The following KDM2B variants were observed in gnomAD, a reference collection of about 807,000 sequenced individuals.
The protein encoded by KDM2B is lysine-specific demethylase 2B.
Under a neutral mutation model 150.0 loss-of-function variants are expected in KDM2B, and 26 were observed. The ratio of observed to expected loss-of-function variants is 0.17; its 90% CI spans 0.13 to 0.24. KDM2B has a LOEUF of 0.24. KDM2B is among the 10% of genes least tolerant of loss of function. KDM2B has a pLI of 1.00. For synonymous variants in KDM2B, 734 were observed against 729.5 expected (o/e 1.01, Z -0.10); for missense variants, 1,265 against 1,816.9 (o/e 0.70, Z 5.52).
chr12:121,416,631 TTA>T, the KDM2B span: 61 of 332,480 alleles, frequency 1.8e-4, 1 homozygote, highest in African/African-American at 1.1e-3. Context: ...TTATTTTCTA[TTA>T]TGTTTATTTC....
intron 12 of KDM2B, among the ~76,000 whole-genome samples, chr12:121,459,405 C>A (rs1290444458): frequency 6.6e-6 from 1 of 152,180 alleles, no homozygotes; most frequent in Non-Finnish European, 1.5e-5. Flanking sequence ...CCTAAACACA[C>A]AGCTAAAATT....
chr12:121,540,922 G>A (rs1888557738), intron 6 of KDM2B, among the ~76,000 whole-genome samples: 1 of 151,952 alleles, frequency 6.6e-6, no homozygotes, highest in South Asian at 2.1e-4. Flanking sequence ...CTACATTGTA[G>A]AAGAAGAAAC....
chr12:121,494,343 C>T (rs138099712), intron 12 of KDM2B: 7 of 455,998 alleles, frequency 1.5e-5, no homozygotes, highest in Non-Finnish European at 2.4e-5. Flanking sequence ...GTGTCAGCAC[C>T]CCCCAGTTTT....
At chr12:121,540,873 A>G (rs886970449) in intron 6 of KDM2B, among the ~76,000 whole-genome samples, 2 of 151,210 alleles carry the variant, frequency 1.3e-5, no homozygotes, top group Admixed American at 6.6e-5. Context: ...TGTCTCCCCC[A>G]TAGCATGGGA....
rs1040706488 is a variant in KDM2B at position 121,559,718 on chromosome 12, T to C, written c.398-10080A>G. Among the ~76,000 whole-genome samples, 15 of 151,928 alleles carry C rather than the reference T, an allele frequency of 9.9e-5. 1 individual carries two copies. Among genetic ancestry groups the C allele is most frequent in the Admixed American group, 9.8e-4 (15 of 15,266 alleles). On this transcript the variant is annotated intron_variant, in intron 4 of 22. Transcript: ENST00000377071. ...GAGTTCGAGACCAGCCTGACCAACA[T>C]GGAGAAACTCCGTCTCTACTAAAAA...
intron 13 of KDM2B, among the ~76,000 whole-genome samples, chr12:121,451,827 G>A (rs1429057606): frequency 2.0e-5 from 3 of 151,904 alleles, no homozygotes; most frequent in South Asian, 2.1e-4. Flanking sequence ...CAGGAGAATC[G>A]CTTGAACCCA....
chr12:121,578,889 T>C lies in KDM2B; in HGVS notation c.184A>G (p.Ile62Val). 1 of 1,612,884 alleles carries C rather than the reference T, an allele frequency of 6.2e-7. No homozygotes were observed. Among genetic ancestry groups the C allele is most frequent in the South Asian group, 1.1e-5 (1 of 90,914 alleles). ...AGGCTGAAGCCGCGGACGCTGACGATCTCCTCCACGTCCGACAAGTCCTCG... is the reference window on the plus strand; with the variant it reads ...AGGCTGAAGCCGCGGACGCTGACGACCTCCTCCACGTCCGACAAGTCCTCG... ...ENEDLSDVEE[I>V]VSVRGFSLEE... Residue 62 changes from isoleucine to valine, a missense_variant, in exon 2 of 23, where the codon ATC becomes GTC. Ile to Val is a conservative substitution (Grantham distance 29). Around this residue, in one of 11 missense-constraint regions of KDM2B, gnomAD observed 214 missense variants for 447.4 expected, o/e 0.48. Coordinates refer to ENST00000377071, the MANE Select transcript of KDM2B (RefSeq NM_032590.5).
intron 17 of KDM2B, 195 bp from the exon 18 acceptor site, chr12:121,443,225 A>T: frequency 1.6e-6 from 1 of 620,546 alleles, no homozygotes; most frequent in South Asian, 1.9e-5. Flanking sequence ...AGAAGCTGGA[A>T]GTAGGAGTAC....
chr12:121,417,517 A>T, the KDM2B span: 1 of 1,611,998 alleles, frequency 6.2e-7, no homozygotes, highest in Non-Finnish European at 8.5e-7. This position sits in a 1 kb window ranked among gnomAD's most constrained non-coding sequence, Gnocchi z 5.0. Flanking sequence ...GTTTGCTGTG[A>T]CTGCAAGAAG....
At chr12:121,443,270 CCA>C in intron 17 of KDM2B, 1 of 592,908 alleles carries the variant, frequency 1.7e-6, no homozygotes, top group South Asian at 2.0e-5. Context: ...ACCTCCCACC[CCA>C]CAGACCTGGA....
chr12:121,577,386 A>C (rs1307152985), intron 2 of KDM2B, among the ~76,000 whole-genome samples: 2 of 152,218 alleles, frequency 1.3e-5, no homozygotes, highest in African/African-American at 4.8e-5. Context: ...TGGGGGAAGA[A>C]AGGAGAGGAA....
chr12:121,413,867 G>A, the KDM2B span, among the ~76,000 whole-genome samples: 1 of 152,036 alleles, frequency 6.6e-6, no homozygotes, highest in Non-Finnish European at 1.5e-5. Context: ...GAGCCACCGC[G>A]CCCGGCTTCA....
the KDM2B span, among the ~76,000 whole-genome samples, chr12:121,412,724 C>CTTTT: frequency 1.6e-5 from 2 of 121,916 alleles, no homozygotes; most frequent in African/African-American, 3.2e-5. Flanking sequence ...GATGTTCATG[C>CTTTT]TTTTTTTTTT....
intron 12 of KDM2B, among the ~76,000 whole-genome samples, chr12:121,491,483 C>T (rs1391353867): frequency 1.3e-5 from 2 of 152,046 alleles, no homozygotes; most frequent in African/African-American, 4.8e-5. Flanking sequence ...AAGTTATTTA[C>T]TTCCTTATTT....
In KDM2B at chr12:121,442,826, C is replaced by G; in HGVS notation, c.2615G>C (p.Trp872Ser). Reference protein sequence around the residue: ...DKLFRKKRRSWKNAEDRMALA... With the variant: ...DKLFRKKRRSSKNAEDRMALA... ...CGCCATGCGGTCCTCGGCGTTCTTC[C>G]AGGACCGCCGCTGAGGGCGAGAGCG... The change falls in exon 19 of 23, where the codon TGG becomes TCG. Residue 872 changes from tryptophan (W) to serine (S), a missense_variant. Physicochemically the swap from Trp to Ser is radical, Grantham distance 177. Around this residue, in one of 11 missense-constraint regions of KDM2B, gnomAD observed 418 missense variants for 402.4 expected, o/e 1.04. Transcript: ENST00000377071. This position sits in a 1 kb window ranked among gnomAD's most constrained non-coding sequence, Gnocchi z 7.7. 6.6e-7 allele frequency: 1 copy of G among 1,521,454 alleles called. No individual in the cohort carries two copies. Among genetic ancestry groups the G allele is most frequent in the South Asian group, 1.3e-5 (1 of 75,346 alleles). 94.2% of individuals were successfully genotyped at this position (1,521,454 alleles called of 1,614,324 possible). A position where few individuals can be genotyped will look rare whatever the true frequency, so the allele number is the denominator to read the frequency against.
chr12:121,524,425 AAC>A (rs1886953493), intron 8 of KDM2B, among the ~76,000 whole-genome samples: 1 of 152,172 alleles, frequency 6.6e-6, no homozygotes, highest in Non-Finnish European at 1.5e-5. Flanking sequence ...AGGAAAGAGG[AAC>A]ACAGAGGAGA....
chr12:121,474,440 C>T (rs748424589), intron 12 of KDM2B, among the ~76,000 whole-genome samples: 32 of 151,716 alleles, frequency 2.1e-4, no homozygotes, highest in Non-Finnish European at 3.5e-4. Flanking sequence ...GGCGTGAACC[C>T]GGGGGGCAGA....
At chr12:121,457,643 G>A (rs926531473) in intron 12 of KDM2B, among the ~76,000 whole-genome samples, 12 of 151,674 alleles carry the variant, frequency 7.9e-5, no homozygotes, top group African/African-American at 2.7e-4. Flanking sequence ...ATTCATTTAC[G>A]AACCAGCATC....
chr12:121,423,523 T>TGG, the KDM2B span: 10 of 1,614,172 alleles, frequency 6.2e-6, no homozygotes, highest in Non-Finnish European at 7.6e-6. This position sits in a 1 kb window ranked among gnomAD's most constrained non-coding sequence, Gnocchi z 4.3. Flanking sequence ...CATGAGTGAG[T>TGG]GTCCCATCTG....
Sources: gnomAD v4.1 joint callset for allele counts (sites outside exome capture counted in the v4.1 genomes callset) on GRCh38, gnomAD v4.1.1 for gene constraint, gnomAD v4.1.1 regional missense constraint, Gnocchi (gnomAD v3.1) non-coding constraint, MANE v1.5 for transcripts, NCBI Gene and HGNC (gene_info 2026-07-23, HGNC 2026-07-21) for gene names.